ATXN1: variants seen among roughly 807,000 people sequenced by gnomAD.
ATXN1 encodes the protein ataxin-1.
A neutral mutation model predicts 56.4 loss-of-function variants in ATXN1; 8 were observed. The ratio of observed to expected loss-of-function variants is 0.14; its 90% CI spans 0.08 to 0.26. ATXN1 has a LOEUF of 0.26. Ranked by LOEUF, ATXN1 falls within the 10% of genes least tolerant of loss-of-function variation. The pLI, the probability that ATXN1 is intolerant of heterozygous loss-of-function variation, is 1.00. For synonymous variants in ATXN1, 514 were observed against 494.6 expected, an observed-to-expected ratio of 1.04 and a Z score of -0.52; for missense variants, 987 against 1,106.5, an observed-to-expected ratio of 0.89 and a Z score of 1.53.
chr6:16,339,138 C>T (rs1273102694), intron 6 of ATXN1, among the ~76,000 whole-genome samples: 1 of 152,166 alleles, frequency 6.6e-6, no homozygotes, highest in Non-Finnish European at 1.5e-5. Context: ...TGTCTACCCG[C>T]ACACACACTC....
chr6:16,595,802 A>AT (rs113347315), intron 3 of ATXN1, among the ~76,000 whole-genome samples: 13,177 of 152,128 alleles, frequency 0.087, 1,864 homozygotes, highest in African/African-American at 0.3. Context: ...CCTTTTTGAG[A>AT]TTTTTTGGTG....
intron 7 of ATXN1, among the ~76,000 whole-genome samples, chr6:16,311,322 CA>C (rs1561845594): frequency 6.6e-6 from 1 of 152,192 alleles, no homozygotes; most frequent in Non-Finnish European, 1.5e-5. Flanking sequence ...CATTGGCCCC[CA>C]AACCCATTTT....
At chr6:16,591,924 C>T (rs138939256) in intron 3 of ATXN1, among the ~76,000 whole-genome samples, 1 of 152,238 alleles carries the variant, frequency 6.6e-6, no homozygotes, top group East Asian at 1.9e-4. Flanking sequence ...ATCAGCATTA[C>T]ATAAAAGATG....
chr6:16,319,856 CTTT>C (rs533611516), intron 7 of ATXN1, among the ~76,000 whole-genome samples: 7 of 140,962 alleles, frequency 5.0e-5, no homozygotes, highest in African/African-American at 2.6e-5. Flanking sequence ...CATTTTTCTC[CTTT>C]TTTTTTTTTT....
At chr6:16,462,450 G>C (rs148918537) in intron 6 of ATXN1, among the ~76,000 whole-genome samples, 1 of 152,258 alleles carries the variant, frequency 6.6e-6, no homozygotes, top group Non-Finnish European at 1.5e-5. Flanking sequence ...ATTTAAAAAG[G>C]ATAAGTGAAA....
intron 7 of ATXN1, among the ~76,000 whole-genome samples, chr6:16,311,322 C>T (rs989516530): frequency 1.3e-5 from 2 of 152,192 alleles, no homozygotes; most frequent in African/African-American, 4.8e-5. Context: ...CATTGGCCCC[C>T]AAACCCATTT....
intron 3 of ATXN1, among the ~76,000 whole-genome samples, chr6:16,611,019 G>A (rs995157986): frequency 3.9e-5 from 6 of 152,128 alleles, no homozygotes; most frequent in Non-Finnish European, 8.8e-5. Flanking sequence ...CACAGAGCAA[G>A]ACCCTGTCTC....
intron 6 of ATXN1, among the ~76,000 whole-genome samples, chr6:16,421,584 C>T (rs1183499881): frequency 1.6e-5 from 2 of 121,864 alleles, no homozygotes; most frequent in African/African-American, 6.3e-5. Flanking sequence ...CTTCTTCCTA[C>T]TTTATGAGGT....
At chr6:16,520,435 A>C (rs1323670625) in intron 5 of ATXN1, among the ~76,000 whole-genome samples, 2 of 152,174 alleles carry the variant, frequency 1.3e-5, no homozygotes, top group Non-Finnish European at 2.9e-5. Flanking sequence ...CCCAGAAGGA[A>C]ACCAAAGTAG....
chr6:16,440,651 A>AAAAAAAAAAAAAAAAGAC (rs1202521270), intron 6 of ATXN1, among the ~76,000 whole-genome samples: 3 of 149,666 alleles, frequency 2.0e-5, no homozygotes, highest in African/African-American at 7.4e-5. Flanking sequence ...AAAAAAAAAA[A>AAAAAAAAAAAAAAAAGAC]AGAAAAGAAA....
At chr6:16,310,149 A>G (rs1760356778) in intron 7 of ATXN1, among the ~76,000 whole-genome samples, 2 of 152,156 alleles carry the variant, frequency 1.3e-5, no homozygotes, top group African/African-American at 4.8e-5. Flanking sequence ...ACATCTCAAC[A>G]AAAATAATGG....
At chr6:16,737,118 C>G (rs183167373) in intron 2 of ATXN1, 18 of 152,282 alleles carry the variant, frequency 1.2e-4, no homozygotes, top group African/African-American at 4.3e-4. Context: ...GAGAGCAAAG[C>G]TGATGCTATT....
intron 6 of ATXN1, among the ~76,000 whole-genome samples, chr6:16,381,226 G>A (rs1421041702): frequency 1.3e-5 from 2 of 152,128 alleles, no homozygotes; most frequent in African/African-American, 4.8e-5. Context: ...GGCAGAGGTT[G>A]CAGTAAGTGA....
intron 2 of ATXN1, among the ~76,000 whole-genome samples, chr6:16,740,778 C>G (rs550649483): frequency 6.6e-6 from 1 of 152,168 alleles, no homozygotes; most frequent in Non-Finnish European, 1.5e-5. Flanking sequence ...GGCGATCCCA[C>G]CGCCTTGGCC....
At chr6:16,349,692 A>T (rs1281334957) in intron 6 of ATXN1, among the ~76,000 whole-genome samples, 1 of 152,168 alleles carries the variant, frequency 6.6e-6, no homozygotes, top group Non-Finnish European at 1.5e-5. Context: ...AAGTTTACTA[A>T]GTCTCTAAAA....
intron 6 of ATXN1, among the ~76,000 whole-genome samples, chr6:16,477,607 G>A (rs1265230386): frequency 6.6e-6 from 1 of 152,164 alleles, no homozygotes; most frequent in Non-Finnish European, 1.5e-5. Flanking sequence ...CCTTCCTTCT[G>A]CCTCCCTTGA....
chr6:16,643,484 C>G lies in ATXN1; in HGVS notation c.-489+14292G>C, dbSNP rs371195673. ...TCTCTACAAAAAATACAAAAATTAGCCAGGTGTTGTCGTGCACACATGTAA... is the reference window on the plus strand; with the variant it reads ...TCTCTACAAAAAATACAAAAATTAGGCAGGTGTTGTCGTGCACACATGTAA... On this transcript the variant is annotated intron_variant, in intron 3 of 7. Coordinates refer to ENST00000436367, the MANE Select transcript of ATXN1 (RefSeq NM_001128164.2). Among the ~76,000 whole-genome samples, 13 of 151,878 alleles carry G rather than the reference C, an allele frequency of 8.6e-5. No homozygotes were observed. In the East Asian group the frequency reaches 1.9e-3, roughly 23 times the overall value.
At chr6:16,370,213 C>T (rs1270394097) in intron 6 of ATXN1, among the ~76,000 whole-genome samples, 1 of 152,178 alleles carries the variant, frequency 6.6e-6, no homozygotes, top group Non-Finnish European at 1.5e-5. Flanking sequence ...CCGACAGAGC[C>T]TGGCAGGGCT....
chr6:16,512,180 C>A (rs1305430691), intron 5 of ATXN1, among the ~76,000 whole-genome samples: 1 of 152,222 alleles, frequency 6.6e-6, no homozygotes, highest in Non-Finnish European at 1.5e-5. Context: ...AGTTCTGCCA[C>A]CACGGCAGAT....
Sources: gnomAD v4.1 joint callset for allele counts (sites outside exome capture counted in the v4.1 genomes callset) on GRCh38, gnomAD v4.1.1 for gene constraint, MANE v1.5 for transcripts, NCBI Gene and HGNC (gene_info 2026-07-23, HGNC 2026-07-21) for gene names.